HECW2: variants seen among roughly 807,000 people sequenced by gnomAD.
HECW2 encodes the protein E3 ubiquitin-protein ligase HECW2.
HECW2 carries 61 observed loss-of-function variants against 175.2 expected under a neutral mutation model. The observed-to-expected ratio is 0.35, with a 90% CI of 0.28 to 0.43. HECW2 has a LOEUF of 0.43. Among genes scored for constraint, HECW2 ranks in the 20% least tolerant of loss-of-function variants. HECW2 has a pLI of 1.00. For synonymous variants in HECW2, 671 were observed against 731.0 expected, an observed-to-expected ratio of 0.92 and a Z score of 1.32; for missense variants, 1,524 against 2,000.5, an observed-to-expected ratio of 0.76 and a Z score of 4.54.
At chr2:196,512,977 CCA>C (rs1348739411) in intron 1 of HECW2, among the ~76,000 whole-genome samples, 1 of 152,168 alleles carries the variant, frequency 6.6e-6, no homozygotes, top group African/African-American at 2.4e-5. Context: ...CAGGCATGAG[CCA>C]CCATGCCTAG....
intron 4 of HECW2, among the ~76,000 whole-genome samples, chr2:196,331,667 C>G (rs1348928360): frequency 2.0e-5 from 3 of 152,160 alleles, no homozygotes; most frequent in Non-Finnish European, 4.4e-5. Flanking sequence ...AAATGTAATT[C>G]ACCCTCTGGC....
chr2:196,371,413 AAAG>A (rs1370322400), intron 2 of HECW2, among the ~76,000 whole-genome samples: 1 of 152,246 alleles, frequency 6.6e-6, no homozygotes, highest in African/African-American at 2.4e-5. Context: ...GTACAGGAAT[AAAG>A]AAGACAGAAA....
At chr2:196,568,697 T>G (rs1690269162) in intron 1 of HECW2, among the ~76,000 whole-genome samples, 1 of 152,180 alleles carries the variant, frequency 6.6e-6, no homozygotes, top group Non-Finnish European at 1.5e-5. Context: ...TGCTGGGTAG[T>G]GCGGTAAGCC....
intron 1 of HECW2, among the ~76,000 whole-genome samples, chr2:196,513,732 T>A (rs188291176): frequency 6.6e-6 from 1 of 152,312 alleles, no homozygotes; most frequent in East Asian, 1.9e-4. Context: ...ATAAGTCACA[T>A]GTGAAGAGAC....
At chr2:196,449,824 T>A (rs1696291202) in intron 1 of HECW2, among the ~76,000 whole-genome samples, 1 of 149,034 alleles carries the variant, frequency 6.7e-6, no homozygotes, top group Non-Finnish European at 1.5e-5. Context: ...CATTACCTCA[T>A]TAATCCATTT....
intron 2 of HECW2, among the ~76,000 whole-genome samples, chr2:196,409,761 T>C (rs1424561934): frequency 2.0e-5 from 3 of 152,204 alleles, no homozygotes; most frequent in African/African-American, 2.4e-5. Context: ...AGAAGCCCTC[T>C]AGGTATGAGG....
chr2:196,231,092 C>CAAA (rs10653412), intron 21 of HECW2, among the ~76,000 whole-genome samples: 6,037 of 54,156 alleles, frequency 0.11, 1,079 homozygotes, highest in African/African-American at 0.22. Context: ...GACTCCGTCT[C>CAAA]AAAAAAAAAA....
chr2:196,487,432 T>C (rs1476590153), intron 1 of HECW2, among the ~76,000 whole-genome samples: 5 of 152,194 alleles, frequency 3.3e-5, no homozygotes, highest in African/African-American at 4.8e-5. Context: ...ATGCTCAAGT[T>C]AGATCATGAA....
In HECW2 at chr2:196,310,981, T is replaced by C. The variant is rs532125130; in HGVS notation, c.2435-2896A>G. Among the ~76,000 whole-genome samples, 5 of 152,360 alleles carry C rather than the reference T, an allele frequency of 3.3e-5. No homozygotes were observed. In the South Asian group the frequency reaches 1.0e-3, roughly 32 times the overall value. ...GGAATCTATAAAATTATGCCCATTT[T>C]ATTATATTAAGTTCAGCAAGAACCT... On this transcript the variant is annotated intron_variant, in intron 10 of 28. Coordinates refer to ENST00000644978, the MANE Select transcript of HECW2 (RefSeq NM_001348768.2).
At chr2:196,562,573 A>G (rs1690040075) in intron 1 of HECW2, among the ~76,000 whole-genome samples, 1 of 152,212 alleles carries the variant, frequency 6.6e-6, no homozygotes, top group South Asian at 2.1e-4. Context: ...GAAAATGAGC[A>G]CAAGTAAACC....
intron 2 of HECW2, among the ~76,000 whole-genome samples, chr2:196,371,389 A>G (rs1693906207): frequency 1.3e-5 from 2 of 152,226 alleles, no homozygotes; most frequent in South Asian, 4.1e-4. Context: ...AAAGCATAGT[A>G]AAAGGACAAG....
chr2:196,196,719 G>C lies in HECW2; in HGVS notation c.*4558C>G, dbSNP rs1686703056. Reference sequence around the variant, plus strand: ...AGGCTGAGGTGGGAGGCTGGCTTGAGCCTGGAAGGCAGAGGTTGCAGTGAG... The same window carrying C: ...AGGCTGAGGTGGGAGGCTGGCTTGACCCTGGAAGGCAGAGGTTGCAGTGAG... On this transcript the variant is annotated 3_prime_UTR_variant, in exon 29 of 29. Transcript: ENST00000644978. The C allele has an allele frequency of 6.5e-6, 1 of 152,768 alleles. No homozygotes were observed. Among genetic ancestry groups the C allele is most frequent in the African/African-American group, 2.4e-5 (1 of 41,464 alleles). 9.5% of individuals were successfully genotyped at this position (152,768 alleles called of 1,614,324 possible).
intron 13 of HECW2, among the ~76,000 whole-genome samples, chr2:196,300,041 G>T (rs1323992241): frequency 1.3e-5 from 2 of 152,160 alleles, no homozygotes; most frequent in African/African-American, 4.8e-5. Context: ...GCAGCCCAAA[G>T]AGAGAAGTTA....
intron 1 of HECW2, among the ~76,000 whole-genome samples, chr2:196,487,351 C>A (rs1687044521): frequency 6.6e-6 from 1 of 152,088 alleles, no homozygotes; most frequent in Admixed American, 6.6e-5. Context: ...CTTAAATAAA[C>A]TTCTATTATT....
At chr2:196,422,987 T>C (rs1454977370) in intron 2 of HECW2, among the ~76,000 whole-genome samples, 1 of 152,132 alleles carries the variant, frequency 6.6e-6, no homozygotes, top group East Asian at 1.9e-4. Flanking sequence ...CTGTATTATT[T>C]AGCATTCACA....
chr2:196,368,925 A>C (rs1049654276), intron 2 of HECW2, among the ~76,000 whole-genome samples: 4 of 152,080 alleles, frequency 2.6e-5, no homozygotes, highest in Non-Finnish European at 5.9e-5. Context: ...GTCACTTTGA[A>C]TTCTCTGTCT....
chr2:196,247,619 T>C (rs11897474), intron 19 of HECW2, among the ~76,000 whole-genome samples: 340 of 152,364 alleles, frequency 2.2e-3, no homozygotes, highest in African/African-American at 7.6e-3. Context: ...TGCTTTGTCA[T>C]TGCTAGGCAG....
chr2:196,519,968 G>C (rs73989953), intron 1 of HECW2, among the ~76,000 whole-genome samples: 1 of 152,248 alleles, frequency 6.6e-6, no homozygotes, highest in African/African-American at 2.4e-5. Flanking sequence ...TTAGAGATAA[G>C]TTTTCATTAG....
chr2:196,323,408 T>C (rs371525157), intron 6 of HECW2, among the ~76,000 whole-genome samples: 3 of 152,200 alleles, frequency 2.0e-5, no homozygotes, highest in African/African-American at 4.8e-5. Context: ...GATAAGTAAA[T>C]GATGGTGCCA....
Sources: gnomAD v4.1 joint callset for allele counts (sites outside exome capture counted in the v4.1 genomes callset) on GRCh38, gnomAD v4.1.1 for gene constraint, MANE v1.5 for transcripts, NCBI Gene and HGNC (gene_info 2026-07-23, HGNC 2026-07-21) for gene names.